ACAP2: variants seen among roughly 807,000 people sequenced by gnomAD.
ACAP2 encodes ArfGAP with coiled-coil, ankyrin repeat and PH domains 2.
ACAP2 carries 39 observed loss-of-function variants against 115.8 expected under a neutral mutation model. That is an observed-to-expected ratio of 0.34 (90% CI 0.26 to 0.44). The LOEUF is 0.44. Among genes scored for constraint, ACAP2 ranks in the 20% least tolerant of loss-of-function variants. ACAP2 has a pLI of 1.00. For synonymous variants in ACAP2, 289 were observed against 315.8 expected (o/e 0.92, Z 0.90); for missense variants, 662 against 927.6 (o/e 0.71, Z 3.72).
chr3:195,329,908 C>T (rs1730054316), intron 8 of ACAP2, among the ~76,000 whole-genome samples: 1 of 152,138 alleles, frequency 6.6e-6, no homozygotes, highest in South Asian at 2.1e-4. Flanking sequence ...TCTTATGTCC[C>T]CGCCCCAAGT....
intron 9 of ACAP2, chr3:195,325,414 A>ATTTT (rs746254101): frequency 4.3e-4 from 138 of 321,540 alleles, no homozygotes; most frequent in South Asian, 6.6e-4. Context: ...TAGTGGACTG[A>ATTTT]TTTTTTTTTT....
intron 1 of ACAP2, among the ~76,000 whole-genome samples, chr3:195,424,982 G>A (rs1436565989): frequency 9.0e-6 from 1 of 110,944 alleles, no homozygotes; most frequent in African/African-American, 3.5e-5. Context: ...AGCTGAGATC[G>A]CGCCACTGCA....
chr3:195,349,786 G>A (rs1028681093), intron 4 of ACAP2: 1 of 321,954 alleles, frequency 3.1e-6, no homozygotes. Flanking sequence ...TGGCCCTCAG[G>A]CACTCAAAGA....
intron 2 of ACAP2, among the ~76,000 whole-genome samples, chr3:195,388,082 AATATT>A (rs1463662552): frequency 6.6e-6 from 1 of 152,166 alleles, no homozygotes; most frequent in Non-Finnish European, 1.5e-5. Flanking sequence ...CCAAAACTAT[AATATT>A]ATAACAGCTT....
At chr3:195,328,134 T>C (rs1387313505) in intron 8 of ACAP2, among the ~76,000 whole-genome samples, 1 of 152,094 alleles carries the variant, frequency 6.6e-6, no homozygotes, top group Non-Finnish European at 1.5e-5. Context: ...GGTTTCATTG[T>C]CTAGACTATG....
At chr3:195,413,763 C>G (rs1713482192) in intron 1 of ACAP2, among the ~76,000 whole-genome samples, 1 of 151,474 alleles carries the variant, frequency 6.6e-6, no homozygotes, top group Admixed American at 6.6e-5. Context: ...AAAACAAAAA[C>G]AAACAAAGAA....
At chr3:195,293,900 G>A (rs552811734) in intron 18 of ACAP2, among the ~76,000 whole-genome samples, 2 of 152,064 alleles carry the variant, frequency 1.3e-5, no homozygotes, top group African/African-American at 2.4e-5. Context: ...TTGGGAGGCC[G>A]AGGCGGGTGG....
At chr3:195,435,525 C>A (rs1281621257) in intron 1 of ACAP2, among the ~76,000 whole-genome samples, 3 of 151,996 alleles carry the variant, frequency 2.0e-5, no homozygotes, top group Non-Finnish European at 4.4e-5. Flanking sequence ...AGTGCTTTAG[C>A]TGCATCCCAT....
At chr3:195,422,654 T>C (rs994350686) in intron 1 of ACAP2, among the ~76,000 whole-genome samples, 1 of 152,024 alleles carries the variant, frequency 6.6e-6, no homozygotes, top group Admixed American at 6.6e-5. Flanking sequence ...TTTTTTTAAT[T>C]TTCTGTAGAG....
At chr3:195,392,031 A>G (rs1016287252) in intron 2 of ACAP2, 59 bp downstream of exon 2, 37 of 1,387,790 alleles carry the variant, frequency 2.7e-5, no homozygotes, top group Non-Finnish European at 3.7e-5. Flanking sequence ...TGTAGGTACT[A>G]ATCATTATTT....
At chr3:195,383,445 A>T (rs1184063928) in intron 2 of ACAP2, among the ~76,000 whole-genome samples, 5 of 152,132 alleles carry the variant, frequency 3.3e-5, no homozygotes. Flanking sequence ...AAATGATATT[A>T]GGGACACTGG....
chr3:195,301,148 C>T lies in ACAP2; in HGVS notation c.1395+427G>A, dbSNP rs568864832. ...TTACCCAGGCTGGAGTGCAGTGGCG[C>T]GATCTCGGCTCACTGCAAGCTCTGC... On this transcript the variant is annotated intron_variant, in intron 15 of 22. Transcript: ENST00000326793. Among the ~76,000 whole-genome samples the T allele has an allele frequency of 2.4e-3, 368 of 151,662 alleles. 3 individuals are homozygous for T. Among genetic ancestry groups the T allele is most frequent in the African/African-American group, 8.2e-3 (337 of 41,278 alleles).
At chr3:195,279,532 T>C in intron 22 of ACAP2, 104 bp from the exon 23 acceptor site, 3 of 689,136 alleles carry the variant, frequency 4.4e-6, no homozygotes, top group Admixed American at 4.1e-5. Context: ...TACATTAAAA[T>C]TTTGTTCAGA....
At position 195,382,031 on chromosome 3, in the gene ACAP2, G is replaced by GA. The variant is rs139637475; in HGVS notation, c.112-10dup. On this transcript the variant is annotated splice_polypyrimidine_tract_variant and intron_variant, in intron 2 of 22. Coordinates refer to ENST00000326793, the MANE Select transcript of ACAP2 (RefSeq NM_012287.6). The stretch of plus-strand genomic sequence containing the variant: ...ATACAAAGTTTCACAAGCTGAAAAA[G>GA]AAAAAAAAAATTCATCAGGTTGAAG... The GA allele has an allele frequency of 6.6e-3, 9,642 of 1,471,644 alleles. 282 individuals are homozygous for GA. In the African/African-American group the frequency reaches 0.1, roughly 16 times the overall value. The allele number at this position is 1,471,644 out of a possible 1,614,324, so 91.2% of individuals were successfully genotyped here. A position where few individuals can be genotyped will look rare whatever the true frequency, so the allele number is the denominator to read the frequency against.
intron 1 of ACAP2, among the ~76,000 whole-genome samples, chr3:195,428,345 TATAC>T (rs761069274): frequency 0.023 from 3,184 of 135,708 alleles, 110 homozygotes; most frequent in East Asian, 0.19. Context: ...TGTATATATA[TATAC>T]ACACACACAC....
chr3:195,395,136 A>G (rs1026951057), intron 1 of ACAP2, among the ~76,000 whole-genome samples: 1 of 144,672 alleles, frequency 6.9e-6, no homozygotes, highest in Non-Finnish European at 1.5e-5. Flanking sequence ...TAAATGATAG[A>G]TATTAATTCT....
chr3:195,307,434 A>C (rs1173649410), intron 11 of ACAP2, 111 bp from the exon 12 acceptor site: 4 of 670,284 alleles, frequency 6.0e-6, no homozygotes, highest in Non-Finnish European at 7.5e-6. Flanking sequence ...TTCAAGATTT[A>C]TATTTTATTT....
chr3:195,317,191 C>A (rs754709875), intron 10 of ACAP2, among the ~76,000 whole-genome samples: 3 of 151,930 alleles, frequency 2.0e-5, no homozygotes, highest in Non-Finnish European at 4.4e-5. Context: ...AGCCACCGTG[C>A]CCACCCAGTG....
intron 10 of ACAP2, among the ~76,000 whole-genome samples, chr3:195,310,833 T>C (rs1192950396): frequency 6.6e-6 from 1 of 152,150 alleles, no homozygotes; most frequent in Non-Finnish European, 1.5e-5. Context: ...TTTTATAAAC[T>C]GAGGAAAGAA....
Sources: allele counts gnomAD v4.1 joint callset (sites outside exome capture counted in the v4.1 genomes callset), GRCh38; gene constraint gnomAD v4.1.1; transcripts MANE v1.5; gene names NCBI Gene and HGNC (gene_info 2026-07-23, HGNC 2026-07-21).